TXNDC16: variants seen among roughly 807,000 people sequenced by gnomAD.
TXNDC16 encodes thioredoxin domain-containing protein 16.
A neutral mutation model predicts 85.6 loss-of-function variants in TXNDC16; 74 were observed. The ratio of observed to expected loss-of-function variants is 0.86; its 90% CI spans 0.72 to 1.05. The LOEUF (loss-of-function observed/expected upper bound fraction) is 1.05, where lower values mean the gene tolerates loss of function less well. TXNDC16 is among the 50% of genes least tolerant of loss of function. The pLI is 0.00. For missense variants in TXNDC16, 959 were observed against 947.0 expected (o/e 1.01, Z -0.17); for synonymous variants, 335 against 326.5 (o/e 1.03, Z -0.28).
chr14:52,530,018 T>C (rs868337634), intron 6 of TXNDC16, among the ~76,000 whole-genome samples: 37 of 102,840 alleles, frequency 3.6e-4, no homozygotes, highest in Middle Eastern at 0.013. Flanking sequence ...TATTATATAT[T>C]ATATGTTATA....
Position 52,439,255 on chromosome 14 carries a change from T to A in TXNDC16, c.2143A>T (p.Asn715Tyr), listed in dbSNP as rs1218257722. The A allele has an allele frequency of 6.2e-7, 1 of 1,614,118 alleles. No homozygotes were observed. Among genetic ancestry groups the A allele is most frequent in the South Asian group, 1.1e-5 (1 of 91,076 alleles). ...AATTTCTTCAGCCACAATACAAGGT[T>A]TTCTTCAATTATAGCCTGGTCTGAA... The part of the protein sequence containing the change: ...FPSDQAIIEE[N>Y]LVLWLKKLEA... Residue 715 changes from asparagine to tyrosine, a missense_variant, in exon 20 of 21, where the codon AAC (asparagine) becomes TAC (tyrosine). Coordinates refer to ENST00000281741, the MANE Select transcript of TXNDC16 (RefSeq NM_020784.3).
intron 9 of TXNDC16, among the ~76,000 whole-genome samples, chr14:52,499,905 A>C (rs2036618296): frequency 6.6e-6 from 1 of 152,142 alleles, no homozygotes; most frequent in Non-Finnish European, 1.5e-5. Context: ...TACAATGTAA[A>C]TACTATGTAA....
intron 6 of TXNDC16, among the ~76,000 whole-genome samples, chr14:52,527,827 T>C (rs1159760343): frequency 2.0e-5 from 3 of 152,138 alleles, no homozygotes; most frequent in East Asian, 1.9e-4. Context: ...CTTTGGAGTT[T>C]TGGACTTAAC....
chr14:52,516,314 G>A (rs2037082221), intron 7 of TXNDC16, among the ~76,000 whole-genome samples: 1 of 152,134 alleles, frequency 6.6e-6, no homozygotes, highest in African/African-American at 2.4e-5. Context: ...ACATCTGAAA[G>A]CATCTTAATT....
At chr14:52,466,179 C>T (rs189868831) in intron 16 of TXNDC16, among the ~76,000 whole-genome samples, 1 of 151,146 alleles carries the variant, frequency 6.6e-6, no homozygotes, top group East Asian at 1.9e-4. Context: ...GAATCCATAA[C>T]ATGAAACCAT....
At chr14:52,525,595 G>A (rs1357278955) in intron 6 of TXNDC16, among the ~76,000 whole-genome samples, 2 of 151,398 alleles carry the variant, frequency 1.3e-5, no homozygotes, top group Admixed American at 1.3e-4. Flanking sequence ...CTACTCAGGA[G>A]GCTGAGGCAG....
chr14:52,499,728 C>G (rs377042672), intron 9 of TXNDC16, among the ~76,000 whole-genome samples: 3 of 151,922 alleles, frequency 2.0e-5, no homozygotes, highest in Non-Finnish European at 4.4e-5. Context: ...GAAAACAGTA[C>G]AGTCATCCCT....
At chr14:52,532,795 C>T (rs917717085) in intron 6 of TXNDC16, among the ~76,000 whole-genome samples, 10 of 151,796 alleles carry the variant, frequency 6.6e-5, no homozygotes, top group Admixed American at 4.6e-4. Context: ...AAAAAAAAAA[C>T]TGCTAGCCAG....
chr14:52,537,638 C>T lies in TXNDC16; in HGVS notation c.278G>A (p.Cys93Tyr), dbSNP rs765873294. The T allele has an allele frequency of 1.9e-6, 3 of 1,593,352 alleles. No homozygotes were observed. The highest frequency in any genetic ancestry group is 2.6e-6 in the Non-Finnish European group (3 of 1,163,306). ...TTTCATCAAATCCTTTTCTTTTCCACAGTATCTTGATATTTCTTCTTTGAC... is the reference window on the plus strand; with the variant it reads ...TTTCATCAAATCCTTTTCTTTTCCATAGTATCTTGATATTTCTTCTTTGAC... ...NCVKEEISRY[C>Y]GKEKDLMKAY... Residue 93 changes from cysteine (C) to tyrosine (Y), a missense_variant, in exon 5 of 21, where the codon TGT (cysteine) becomes TAT (tyrosine). By Grantham distance (194) the Cys-to-Tyr change is radical. Transcript: ENST00000281741.
intron 1 of TXNDC16, among the ~76,000 whole-genome samples, chr14:52,548,207 G>A (rs967894568): frequency 6.6e-6 from 1 of 152,210 alleles, no homozygotes; most frequent in Non-Finnish European, 1.5e-5. Context: ...AAGGCAGAAC[G>A]AATGTAGAAA....
intron 9 of TXNDC16, among the ~76,000 whole-genome samples, chr14:52,497,736 CA>C (rs2036564361): frequency 6.6e-6 from 1 of 151,974 alleles, no homozygotes; most frequent in Non-Finnish European, 1.5e-5. Flanking sequence ...AAAAATTAGC[CA>C]GGGCATGGCA....
intron 18 of TXNDC16, among the ~76,000 whole-genome samples, chr14:52,441,834 A>G (rs2035173183): frequency 6.6e-6 from 1 of 152,184 alleles, no homozygotes; most frequent in Non-Finnish European, 1.5e-5. Flanking sequence ...ACTCACCTCC[A>G]ACTCAAGGAA....
chr14:52,440,848 TTAAG>T, intron 18 of TXNDC16, 124 bp from the exon 19 acceptor site: 1 of 846,076 alleles, frequency 1.2e-6, no homozygotes, highest in South Asian at 2.0e-5. Flanking sequence ...ACATTTTCAC[TTAAG>T]TAGAGATTTT....
rs1165907411 is a variant in TXNDC16, at chr14:52,454,042, G to A, written c.1842+1282C>T. ...TTAAAAATAACTAAATGAGTAAATTGGATTGTTTGAAACACAAAGGGTAAA... is the reference window on the plus strand; with the variant it reads ...TTAAAAATAACTAAATGAGTAAATTAGATTGTTTGAAACACAAAGGGTAAA... On this transcript the variant is annotated intron_variant, in intron 18 of 20. Coordinates refer to ENST00000281741, the MANE Select transcript of TXNDC16 (RefSeq NM_020784.3). 2.6e-5 allele frequency among the ~76,000 whole-genome samples: 4 copies of A among 152,138 alleles called. 1 individual carries two copies. The highest frequency in any genetic ancestry group is 6.5e-5 in the Admixed American group (1 of 15,274).
In TXNDC16 at chr14:52,542,275, G is replaced by T. The variant is rs186408505; in HGVS notation, c.243+96C>A. 1.1e-4 allele frequency: 88 copies of T among 778,912 alleles called. 1 individual carries two copies. The highest frequency in any genetic ancestry group is 7.0e-5 in the African/African-American group (4 of 56,994). 48.3% of individuals were successfully genotyped at this position (778,912 alleles called of 1,614,324 possible). ...AAAATATATTTCCAGTTTGGAAAAA[G>T]ATATGAAATGGAAGTATTTTAAGAT... On this transcript the variant is annotated intron_variant, in intron 4 of 20. Transcript: ENST00000281741.
chr14:52,496,260 C>T (rs28539564), intron 9 of TXNDC16, among the ~76,000 whole-genome samples: 7,059 of 151,730 alleles, frequency 0.047, 527 homozygotes, highest in African/African-American at 0.16. Context: ...CTAGTTGAAG[C>T]GGGGAAAAAT....
chr14:52,493,039 G>C (rs2036443958), intron 9 of TXNDC16, among the ~76,000 whole-genome samples: 1 of 151,896 alleles, frequency 6.6e-6, no homozygotes, highest in Non-Finnish European at 1.5e-5. Flanking sequence ...CACTTTGGGA[G>C]GCCAAGACAG....
chr14:52,495,876 A>T (rs1006852100), intron 9 of TXNDC16, among the ~76,000 whole-genome samples: 3 of 152,104 alleles, frequency 2.0e-5, no homozygotes, highest in African/African-American at 7.2e-5. Context: ...AAAGAGACAG[A>T]TCGGCCACCA....
At chr14:52,469,905 G>A (rs145418880) in intron 16 of TXNDC16, 132 bp downstream of exon 16, 20 of 861,178 alleles carry the variant, frequency 2.3e-5, no homozygotes, top group Admixed American at 9.8e-5. Flanking sequence ...ATTAGCTTAC[G>A]ATATTTTATT....
Sources: allele counts gnomAD v4.1 joint callset (sites outside exome capture counted in the v4.1 genomes callset), GRCh38; gene constraint gnomAD v4.1.1; transcripts MANE v1.5; gene names NCBI Gene and HGNC (gene_info 2026-07-23, HGNC 2026-07-21).